Variants in MID1 observed in about 807,000 individuals in gnomAD.
MID1 encodes E3 ubiquitin-protein ligase Midline-1.
MID1 carries 7 observed loss-of-function variants against 40.4 expected under a neutral mutation model. That is an observed-to-expected ratio of 0.17 (90% CI 0.10 to 0.33). The LOEUF is 0.33. Among genes scored for constraint, MID1 ranks in the 10% least tolerant of loss-of-function variants. The pLI is 1.00. For synonymous variants in MID1, 229 were observed against 221.2 expected (o/e 1.04, Z -0.31); for missense variants, 367 against 558.5 (o/e 0.66, Z 3.46).
intron 4 of MID1, among the ~76,000 whole-genome samples, chrX:10,493,806 G>A (rs1931084672): frequency 1.8e-5 from 2 of 112,034 alleles, no homozygotes; most frequent in Non-Finnish European, 3.8e-5. Context: ...AAATATAAAT[G>A]TTTGTCAATT....
chrX:10,505,905 T>C (rs975658506), intron 3 of MID1: 2 of 752,654 alleles, frequency 2.7e-6, no homozygotes, highest in African/African-American at 4.6e-5. Context: ...TACTCAGGTA[T>C]AGAAGCCATC....
intron 1 of MID1, among the ~76,000 whole-genome samples, chrX:10,601,261 A>G (rs1244627453): frequency 8.9e-6 from 1 of 112,123 alleles, no homozygotes; most frequent in Non-Finnish European, 1.9e-5. Flanking sequence ...ATTACCCTAG[A>G]GCAGGGTTCT....
chrX:10,710,410 A>G (rs772337569), intron 1 of MID1, among the ~76,000 whole-genome samples: 1 of 111,607 alleles, frequency 9.0e-6, no homozygotes, highest in South Asian at 3.8e-4. Context: ...AAATTGGCTT[A>G]TACTGGGTTA....
chrX:10,505,473 C>G, intron 3 of MID1: 1 of 754,404 alleles, frequency 1.3e-6, no homozygotes, highest in Non-Finnish European at 1.6e-6. Context: ...CTTTATAAAA[C>G]AAATGCTTCA....
intron 3 of MID1, among the ~76,000 whole-genome samples, chrX:10,522,215 G>C (rs372289268): frequency 8.9e-6 from 1 of 111,732 alleles, no homozygotes; most frequent in African/African-American, 3.3e-5. Flanking sequence ...ATAACAATAA[G>C]GAAATTTGGA....
intron 1 of MID1, among the ~76,000 whole-genome samples, chrX:10,781,352 T>C (rs944114248): frequency 5.4e-5 from 6 of 111,941 alleles, no homozygotes; most frequent in Admixed American, 9.5e-5. Flanking sequence ...CCTTGTGATG[T>C]GCAGGCTCCT....
intron 4 of MID1, among the ~76,000 whole-genome samples, chrX:10,482,921 C>G (rs774878791): frequency 8.9e-6 from 1 of 112,211 alleles, no homozygotes; most frequent in South Asian, 3.8e-4. Context: ...CAAAGGGTCA[C>G]CAGACGTCTT....
At chrX:10,770,208 C>G (rs1054363491) in intron 1 of MID1, among the ~76,000 whole-genome samples, 11 of 112,029 alleles carry the variant, frequency 9.8e-5, no homozygotes, top group African/African-American at 3.2e-4. Context: ...GTGGAGAACA[C>G]ACTAAAAACA....
chrX:10,732,792 A>G (rs2043459075), intron 1 of MID1, among the ~76,000 whole-genome samples: 1 of 111,675 alleles, frequency 9.0e-6, no homozygotes, highest in Non-Finnish European at 1.9e-5. Flanking sequence ...GATTGAGACC[A>G]AGGAAACAAA....
chrX:10,491,034 C>CTTAA (rs1321505007), intron 4 of MID1, among the ~76,000 whole-genome samples: 1 of 111,777 alleles, frequency 8.9e-6, no homozygotes, highest in Non-Finnish European at 1.9e-5. Flanking sequence ...CTTCATCAAC[C>CTTAA]TTAACTACAG....
intron 1 of MID1, among the ~76,000 whole-genome samples, chrX:10,604,559 G>GA (rs898766623): frequency 1.8e-5 from 2 of 111,846 alleles, no homozygotes; most frequent in African/African-American, 3.2e-5. Flanking sequence ...AAAGCTTTTA[G>GA]AAGGCTTTGT....
chrX:10,568,096 T>C (rs773923301), intron 1 of MID1, among the ~76,000 whole-genome samples: 24 of 111,745 alleles, frequency 2.1e-4, no homozygotes, highest in Middle Eastern at 4.2e-3. Context: ...TTCAGAACAA[T>C]AGGAAGGCAG....
chrX:10,523,629 T>G (rs769130987), intron 2 of MID1, among the ~76,000 whole-genome samples: 77 of 112,343 alleles, frequency 6.9e-4, no homozygotes, highest in Non-Finnish European at 1.3e-3. Context: ...GGAGGAAGGT[T>G]TGAATTGTTT....
At position 10,499,294 on chromosome X, in the gene MID1, A is replaced by G. The variant is rs1344273784; in HGVS notation, c.757-3603T>C. Reference sequence around the variant, plus strand: ...CTTTTGCTCCTTTTGTAATTGGGTCATTGTCTTTTAATTAATAGAATGTAT... The same window carrying G: ...CTTTTGCTCCTTTTGTAATTGGGTCGTTGTCTTTTAATTAATAGAATGTAT... On this transcript the variant is annotated intron_variant, in intron 3 of 9. Transcript: ENST00000317552. Among the ~76,000 whole-genome samples the G allele has an allele frequency of 2.7e-5, 3 of 111,308 alleles. No homozygotes were observed. In the East Asian group the frequency reaches 8.4e-4, roughly 31 times the overall value.
At chrX:10,688,294 G>A (rs1021619187) in intron 1 of MID1, among the ~76,000 whole-genome samples, 3 of 111,582 alleles carry the variant, frequency 2.7e-5, no homozygotes, top group Admixed American at 1.9e-4. Context: ...CTATTCAAAA[G>A]TATTTTTTCC....
intron 1 of MID1, among the ~76,000 whole-genome samples, chrX:10,574,440 A>G (rs1307211339): frequency 8.9e-6 from 1 of 112,210 alleles, no homozygotes; most frequent in Non-Finnish European, 1.9e-5. Context: ...TTTTGACTCT[A>G]GAAATGTAAG....
At chrX:10,786,028 G>A (rs866659338) in intron 1 of MID1, among the ~76,000 whole-genome samples, 11,305 of 110,677 alleles carry the variant, frequency 0.1, 1,453 homozygotes, top group African/African-American at 0.35. Flanking sequence ...GAGTGAACAG[G>A]CAACCTACAG....
rs189555486 is a variant in MID1 at position 10,728,860 on chromosome X, G to A, written c.-187+104694C>T. On this transcript the variant is annotated intron_variant, in intron 1 of 10. Transcript: ENST00000380785. ...AAGAAACTGTTTCTTTATGCATTGC[G>A]AGTATAAAGTAGGAAGCCCCCGCCT... 3.0e-3 allele frequency among the ~76,000 whole-genome samples: 333 copies of A among 111,998 alleles called. 2 individuals are homozygous for A. Among genetic ancestry groups the A allele is most frequent in the African/African-American group, 0.01 (318 of 30,874 alleles).
At chrX:10,814,620 TGTGTGC>T (rs1414402421) in intron 1 of MID1, among the ~76,000 whole-genome samples, 2 of 110,216 alleles carry the variant, frequency 1.8e-5, no homozygotes, top group African/African-American at 6.6e-5. Context: ...CATAAGTGTG[TGTGTGC>T]GCATGCATGC....
Sources: allele counts gnomAD v4.1 joint callset (sites outside exome capture counted in the v4.1 genomes callset), GRCh38; gene constraint gnomAD v4.1.1; transcripts MANE v1.5; gene names NCBI Gene and HGNC (gene_info 2026-07-23, HGNC 2026-07-21).